The following GJA1 variants were observed in gnomAD, a reference collection of about 807,000 sequenced individuals.
GJA1 encodes gap junction protein alpha 1.
A neutral mutation model predicts 31.0 loss-of-function variants in GJA1; 9 were observed. The observed-to-expected ratio is 0.29, with a 90% CI of 0.17 to 0.51. The LOEUF (loss-of-function observed/expected upper bound fraction) is 0.51. GJA1 is among the 20% of genes least tolerant of loss of function. GJA1 has a pLI of 0.98. For missense variants in GJA1, 278 were observed against 468.8 expected (o/e 0.59, Z 3.76); for synonymous variants, 186 against 180.1 (o/e 1.03, Z -0.26).
At chr6:121,444,258 A>G (rs906684463) in intron 1 of GJA1, among the ~76,000 whole-genome samples, 2 of 152,160 alleles carry the variant, frequency 1.3e-5, no homozygotes, top group African/African-American at 4.8e-5. Context: ...TTGTCACTTC[A>G]GAATCTAAAA....
chr6:121,443,039 C>T (rs1262850520), intron 1 of GJA1, among the ~76,000 whole-genome samples: 2 of 152,144 alleles, frequency 1.3e-5, no homozygotes, highest in African/African-American at 2.4e-5. Flanking sequence ...AAGAAATATA[C>T]CTGTTTCCCC....
chr6:121,442,627 C>CA (rs1294711402), intron 1 of GJA1, among the ~76,000 whole-genome samples: 1 of 152,166 alleles, frequency 6.6e-6, no homozygotes, highest in East Asian at 1.9e-4. Flanking sequence ...TAACAAACAC[C>CA]AAAAAAACCT....
rs1388944520 is a variant in GJA1, at chr6:121,447,989, A to C, written c.1142A>C (p.Glu381Ala). Residue 381 changes from glutamate to alanine, a missense_variant, in exon 2 of 2, where the codon GAG becomes GCG. Glu to Ala is a moderately radical substitution (Grantham distance 107, BLOSUM62 -1). This residue lies in a region of GJA1 where 172 missense variants were observed against 190.9 expected (regional missense o/e 0.90). Coordinates refer to ENST00000282561, the MANE Select transcript of GJA1 (RefSeq NM_000165.5). ...ASSRPRPDDLEI is the reference protein window; with the variant it reads ...ASSRPRPDDLAI Reference sequence around the variant, plus strand: ...AGCAGACCTCGGCCTGATGACCTGGAGATCTAGATACAGGCTTGAAAGCAT... The same window carrying C: ...AGCAGACCTCGGCCTGATGACCTGGCGATCTAGATACAGGCTTGAAAGCAT... The C allele has an allele frequency of 3.7e-6, 6 of 1,611,274 alleles. No individual in the cohort carries two copies. In the African/African-American group the frequency reaches 8.0e-5, roughly 22 times the overall value.
Position 121,447,534 on chromosome 6 carries a change from C to T in GJA1, c.687C>T (p.Phe229=), listed in dbSNP as rs1227950037. The stretch of plus-strand genomic sequence containing the variant: ...TGGCCTTGAATATCATTGAACTCTT[C>T]TATGTTTTCTTCAAGGGCGTTAAGG... The part of the protein sequence containing the change: ...VSLALNIIEL[F]YVFFKGVKDR... Residue 229 remains phenylalanine (F), a synonymous_variant, in exon 2 of 2, where the codon TTC becomes TTT. Transcript: ENST00000282561. 2 of 1,613,794 alleles carry T rather than the reference C, an allele frequency of 1.2e-6. No homozygotes were observed. Among genetic ancestry groups the T allele is most frequent in the East Asian group, 4.5e-5 (2 of 44,870 alleles).
chr6:121,439,718 A>G (rs1454637759), intron 1 of GJA1, among the ~76,000 whole-genome samples: 1 of 152,146 alleles, frequency 6.6e-6, no homozygotes, highest in Non-Finnish European at 1.5e-5. Flanking sequence ...AAGTTCAGTG[A>G]TGAGGAGGGG....
Position 121,447,714 on chromosome 6 carries a change from T to A in GJA1, c.867T>A (p.Val289=), listed in dbSNP as rs751161110. The stretch of plus-strand genomic sequence containing the variant: ...TGTCTCCTCCTGGGTACAAGCTGGT[T>A]ACTGGCGACAGAAACAATTCTTCTT... ...SPMSPPGYKL[V]TGDRNNSSCR... The change falls in exon 2 of 2, where the codon GTT becomes GTA. Residue 289 remains valine (V), a synonymous_variant. Coordinates refer to ENST00000282561, the MANE Select transcript of GJA1 (RefSeq NM_000165.5). 1.9e-5 allele frequency: 30 copies of A among 1,613,968 alleles called. No individual in the cohort carries two copies. The Middle Eastern group carries it at 4.9e-4, about 27-fold the overall frequency.
intron 1 of GJA1, among the ~76,000 whole-genome samples, chr6:121,443,176 TA>T (rs1773825716): frequency 6.6e-6 from 1 of 152,086 alleles, no homozygotes; most frequent in Non-Finnish European, 1.5e-5. Context: ...ATGAAGATAT[TA>T]AACTAGTTTG....
At chr6:121,442,033 TA>T (rs1329120891) in intron 1 of GJA1, among the ~76,000 whole-genome samples, 1 of 152,226 alleles carries the variant, frequency 6.6e-6, no homozygotes, top group African/African-American at 2.4e-5. Flanking sequence ...TAAATGATTT[TA>T]TCGGGAACTT....
At chr6:121,443,064 T>C (rs1338224407) in intron 1 of GJA1, among the ~76,000 whole-genome samples, 3 of 152,238 alleles carry the variant, frequency 2.0e-5, no homozygotes, top group African/African-American at 7.2e-5. Flanking sequence ...TGAATAAAAG[T>C]GCAGTTTATA....
Position 121,447,416 on chromosome 6 carries a change from A to T in GJA1, c.569A>T (p.Asp190Val), listed in dbSNP as rs561686365. 1 of 1,613,894 alleles carries T rather than the reference A, an allele frequency of 6.2e-7. No individual in the cohort carries two copies. Among genetic ancestry groups the T allele is most frequent in the South Asian group, 1.1e-5 (1 of 91,072 alleles). ...SLSAVYTCKR[D>V]PCPHQVDCFL... ...AGTGCTGTTTACACTTGCAAAAGAG[A>T]TCCCTGCCCACATCAGGTGGACTGT... Residue 190 changes from aspartate (D) to valine (V), a missense_variant, in exon 2 of 2, where the codon GAT becomes GTT. Transcript: ENST00000282561.
chr6:121,435,786 A>AAGGAGTTC lies in GJA1; in HGVS notation c.-61_-54dup, dbSNP rs745832696. 1 of 152,236 alleles carries AAGGAGTTC rather than the reference A, an allele frequency of 6.6e-6. No individual in the cohort carries two copies. The highest frequency in any genetic ancestry group is 1.5e-5 in the Non-Finnish European group (1 of 68,036). The allele number at this position is 152,236 out of a possible 1,614,324, so 9.4% of individuals were successfully genotyped here. ...GCCTTTTCATTTTACTTCATCCTCC[A>AAGGAGTTC]AGGAGTTCAATCACTTGGCGTGACT... On this transcript the variant is annotated 5_prime_UTR_variant, in exon 1 of 2. Transcript: ENST00000282561.
At chr6:121,442,808 T>G (rs1450147067) in intron 1 of GJA1, among the ~76,000 whole-genome samples, 1 of 152,070 alleles carries the variant, frequency 6.6e-6, no homozygotes, top group Non-Finnish European at 1.5e-5. Context: ...ATCCATCCAG[T>G]CTAGGGGGCC....
intron 1 of GJA1, among the ~76,000 whole-genome samples, chr6:121,445,749 G>A (rs1165508332): frequency 6.6e-6 from 1 of 152,142 alleles, no homozygotes; most frequent in Non-Finnish European, 1.5e-5. Flanking sequence ...TACATATAAT[G>A]ACACATTGTA....
chr6:121,445,582 G>GAA (rs34782269), intron 1 of GJA1, among the ~76,000 whole-genome samples: 1 of 151,922 alleles, frequency 6.6e-6, no homozygotes, highest in Non-Finnish European at 1.5e-5. Context: ...ATATAACAAT[G>GAA]AAAGATGAAA....
chr6:121,443,181 T>C (rs780575776), intron 1 of GJA1, among the ~76,000 whole-genome samples: 3 of 152,054 alleles, frequency 2.0e-5, no homozygotes, highest in Admixed American at 6.6e-5. Flanking sequence ...GATATTAAAC[T>C]AGTTTGGGAA....
chr6:121,444,070 G>GT (rs879743010), intron 1 of GJA1, among the ~76,000 whole-genome samples: 85 of 151,132 alleles, frequency 5.6e-4, no homozygotes, highest in Middle Eastern at 6.8e-3. Context: ...AAATTGTAGG[G>GT]TTTTTTTTTC....
At chr6:121,437,468 C>G (rs1773689688) in intron 1 of GJA1, among the ~76,000 whole-genome samples, 1 of 152,024 alleles carries the variant, frequency 6.6e-6, no homozygotes, top group Middle Eastern at 3.4e-3. Context: ...CTTGCAACTC[C>G]CCTGGAAGTT....
Position 121,447,842 on chromosome 6 carries a change from C to T in GJA1, c.995C>T (p.Ala332Val). The T allele has an allele frequency of 6.2e-7, 1 of 1,613,896 alleles. No individual in the cohort carries two copies. Among genetic ancestry groups the T allele is most frequent in the African/African-American group, 1.3e-5 (1 of 75,002 alleles). Residue 332 changes from alanine (A) to valine (V), a missense_variant, in exon 2 of 2, where the codon GCA becomes GTA. This residue lies in a region of GJA1 where 172 missense variants were observed against 190.9 expected (regional missense o/e 0.90). Coordinates refer to ENST00000282561, the MANE Select transcript of GJA1 (RefSeq NM_000165.5). ...GGAAGCACCATCTCTAACTCCCATGCACAGCCTTTTGATTTCCCCGATGAT... is the reference window on the plus strand; with the variant it reads ...GGAAGCACCATCTCTAACTCCCATGTACAGCCTTTTGATTTCCCCGATGAT... ...QAGSTISNSH[A>V]QPFDFPDDNQ...
chr6:121,436,309 T>C (rs1409454697), intron 1 of GJA1, among the ~76,000 whole-genome samples: 1 of 152,092 alleles, frequency 6.6e-6, no homozygotes, highest in East Asian at 1.9e-4. Context: ...AGTGCTTTTT[T>C]CATATGGAAA....
Sources: gnomAD v4.1 joint callset for allele counts (sites outside exome capture counted in the v4.1 genomes callset) on GRCh38, gnomAD v4.1.1 for gene constraint, gnomAD v4.1.1 regional missense constraint, MANE v1.5 for transcripts, NCBI Gene and HGNC (gene_info 2026-07-23, HGNC 2026-07-21) for gene names.